Variants in DAPL1 observed in about 807,000 individuals in gnomAD.
DAPL1 encodes the protein death-associated protein-like 1.
A neutral mutation model predicts 12.9 loss-of-function variants in DAPL1; 17 were observed. The ratio of observed to expected loss-of-function variants is 1.32; its 90% CI spans 0.90 to 1.98. DAPL1 has a LOEUF of 1.98. Among genes scored for constraint, DAPL1 ranks in the 30% most tolerant of loss-of-function variants. The pLI, the probability that DAPL1 is intolerant of heterozygous loss-of-function variation, is 0.00. For synonymous variants in DAPL1, 51 were observed against 42.0 expected, an observed-to-expected ratio of 1.21 and a Z score of -0.82; for missense variants, 157 against 125.7, an observed-to-expected ratio of 1.25 and a Z score of -1.19.
intron 1 of DAPL1, among the ~76,000 whole-genome samples, chr2:158,802,269 A>T (rs2059172075): frequency 6.6e-6 from 1 of 152,238 alleles, no homozygotes; most frequent in Non-Finnish European, 1.5e-5. Flanking sequence ...TTTCCCCAAC[A>T]GGTATGCTTG....
chr2:158,814,816 T>C (rs2059251504), intron 3 of DAPL1, among the ~76,000 whole-genome samples: 1 of 152,224 alleles, frequency 6.6e-6, no homozygotes, highest in African/African-American at 2.4e-5. Context: ...CCTACTGAGC[T>C]GAGGCATTCC....
chr2:158,798,114 A>T (rs2059144800), intron 1 of DAPL1, among the ~76,000 whole-genome samples: 3 of 152,216 alleles, frequency 2.0e-5, no homozygotes, highest in African/African-American at 7.2e-5. Context: ...TAGAAAGAAG[A>T]GCAGTGGTTC....
At chr2:158,802,286 T>C (rs1455199023) in intron 1 of DAPL1, among the ~76,000 whole-genome samples, 2 of 152,232 alleles carry the variant, frequency 1.3e-5, no homozygotes, top group African/African-American at 2.4e-5. Flanking sequence ...CTTGTATTTG[T>C]GCAAAATTAT....
chr2:158,798,394 G>T (rs768480132), intron 1 of DAPL1, among the ~76,000 whole-genome samples: 5 of 152,212 alleles, frequency 3.3e-5, no homozygotes, highest in Non-Finnish European at 5.9e-5. Context: ...AAGTCAACTT[G>T]GGGGCATTGG....
intron 1 of DAPL1, among the ~76,000 whole-genome samples, chr2:158,802,806 C>T (rs1001168257): frequency 2.0e-5 from 3 of 152,156 alleles, no homozygotes; most frequent in Admixed American, 1.3e-4. Context: ...GTGCAAGATC[C>T]AAGAACCTTT....
intron 2 of DAPL1, among the ~76,000 whole-genome samples, chr2:158,806,052 T>G (rs1307151937): frequency 6.7e-6 from 1 of 148,452 alleles, no homozygotes; most frequent in East Asian, 1.9e-4. Flanking sequence ...CCCTCTGCTA[T>G]TTACATCTCC....
chr2:158,808,729 C>T (rs2059214649), intron 3 of DAPL1, among the ~76,000 whole-genome samples: 1 of 152,166 alleles, frequency 6.6e-6, no homozygotes, highest in Non-Finnish European at 1.5e-5. Context: ...TATTCTCTTG[C>T]TCCCGCCCAC....
intron 1 of DAPL1, among the ~76,000 whole-genome samples, chr2:158,800,142 A>AT (rs36027073): frequency 0.035 from 5,395 of 151,990 alleles, 137 homozygotes; most frequent in South Asian, 0.064. Context: ...GAAGTGATGG[A>AT]TTTTTTTGAG....
chr2:158,813,741 G>C (rs911268895), intron 3 of DAPL1, among the ~76,000 whole-genome samples: 10 of 152,100 alleles, frequency 6.6e-5, no homozygotes, highest in Middle Eastern at 3.4e-3. Flanking sequence ...ATTTTTAGTA[G>C]AGATGGGGTT....
chr2:158,810,000 A>T (rs2059222145), intron 3 of DAPL1, among the ~76,000 whole-genome samples: 1 of 152,160 alleles, frequency 6.6e-6, no homozygotes, highest in South Asian at 2.1e-4. Context: ...ATTACAAATG[A>T]CCAGAGGAAA....
chr2:158,806,402 A>C (rs1450524411), intron 2 of DAPL1, among the ~76,000 whole-genome samples: 1 of 152,174 alleles, frequency 6.6e-6, no homozygotes, highest in East Asian at 1.9e-4. Context: ...AACAGTCAAA[A>C]CTAGTCTTTG....
intron 1 of DAPL1, among the ~76,000 whole-genome samples, chr2:158,802,731 T>A (rs1341967258): frequency 6.6e-6 from 1 of 152,222 alleles, no homozygotes; most frequent in Non-Finnish European, 1.5e-5. Flanking sequence ...TACTCTGTAA[T>A]GGAATTGTTT....
chr2:158,804,440 G>A, intron 2 of DAPL1, 71 bp downstream of exon 2: 1 of 1,184,022 alleles, frequency 8.4e-7, no homozygotes, highest in South Asian at 1.4e-5. Context: ...AGTTATTTTA[G>A]GACAAACCAA....
At chr2:158,808,564 G>A (rs887503540) in intron 3 of DAPL1, among the ~76,000 whole-genome samples, 1 of 152,182 alleles carries the variant, frequency 6.6e-6, no homozygotes, top group Non-Finnish European at 1.5e-5. Flanking sequence ...TCTTGATGAT[G>A]AGCCATAGCT....
intron 1 of DAPL1, among the ~76,000 whole-genome samples, chr2:158,803,758 G>T (rs1156737932): frequency 6.6e-6 from 1 of 152,142 alleles, no homozygotes; most frequent in African/African-American, 2.4e-5. Context: ...GTGGGTATCT[G>T]GTAGAATCAG....
chr2:158,815,908 C>T lies in DAPL1; in HGVS notation c.*87C>T, dbSNP rs1256278737. 6.7e-6 allele frequency: 6 copies of T among 893,230 alleles called. No homozygotes were observed. The African/African-American group carries it at 8.3e-5, about 12-fold the overall frequency. The allele number at this position is 893,230 out of a possible 1,614,324, so 55.3% of individuals were successfully genotyped here. On this transcript the variant is annotated 3_prime_UTR_variant, in exon 4 of 4. Transcript: ENST00000309950. ...AGGGCCAAAGCTTTCCATAGGCGTG[C>T]TGCACTTGCTTGGTAAATTAAGCAG... is the stretch of plus-strand genomic sequence containing the variant.
At chr2:158,811,578 A>C (rs2059230611) in intron 3 of DAPL1, among the ~76,000 whole-genome samples, 1 of 152,202 alleles carries the variant, frequency 6.6e-6, no homozygotes, top group African/African-American at 2.4e-5. Flanking sequence ...CTGAGGTCGC[A>C]GCTACCCAAG....
chr2:158,800,077 A>G (rs996838569), intron 1 of DAPL1, among the ~76,000 whole-genome samples: 1 of 132,124 alleles, frequency 7.6e-6, no homozygotes, highest in Non-Finnish European at 1.6e-5. Flanking sequence ...AAAAAAAAAA[A>G]AAAATTTGGC....
intron 2 of DAPL1, among the ~76,000 whole-genome samples, chr2:158,805,832 T>C (rs2059197905): frequency 6.7e-6 from 1 of 148,686 alleles, no homozygotes; most frequent in African/African-American, 2.4e-5. Flanking sequence ...TTTACAGAAC[T>C]TAAACAGCAA....
Sources: gnomAD v4.1 joint callset for allele counts (sites outside exome capture counted in the v4.1 genomes callset) on GRCh38, gnomAD v4.1.1 for gene constraint, MANE v1.5 for transcripts, NCBI Gene and HGNC (gene_info 2026-07-23, HGNC 2026-07-21) for gene names.